MME: variants seen among roughly 807,000 people sequenced by gnomAD.
MME encodes the protein neprilysin.
A neutral mutation model predicts 113.2 loss-of-function variants in MME; 98 were observed. The observed-to-expected ratio is 0.87, with a 90% CI of 0.74 to 1.02. MME has a LOEUF of 1.02. Among genes scored for constraint, MME ranks in the 50% least tolerant of loss-of-function variants. MME has a pLI of 0.00. For missense variants in MME, 836 were observed against 896.0 expected, an observed-to-expected ratio of 0.93 and a Z score of 0.86; for synonymous variants, 292 against 300.6, an observed-to-expected ratio of 0.97 and a Z score of 0.30.
chr3:155,079,642 G>T (rs1262320487), upstream of MME: 1 of 139,610 alleles, frequency 7.2e-6, no homozygotes, highest in Non-Finnish European at 1.6e-5. Flanking sequence ...GGGGGGGTGG[G>T]CCGTGAGAGC....
intron 3 of MME, chr3:155,090,418 T>A (rs1438293651): frequency 6.6e-6 from 1 of 152,192 alleles, no homozygotes; most frequent in East Asian, 1.9e-4. Context: ...CTATATTTTT[T>A]CTGTATACAT....
chr3:155,100,055 T>C (rs1717072491), intron 3 of MME, among the ~76,000 whole-genome samples: 1 of 152,002 alleles, frequency 6.6e-6, no homozygotes, highest in South Asian at 2.1e-4. Flanking sequence ...ACAAATGGGA[T>C]CTAATTAAAC....
intron 1 of MME, among the ~76,000 whole-genome samples, chr3:155,037,669 G>A (rs1371771234): frequency 6.6e-6 from 1 of 152,140 alleles, no homozygotes. Flanking sequence ...GAAGACAACC[G>A]TGAGAAGGAA....
chr3:155,115,235 A>T, intron 4 of MME, 80 bp downstream of exon 4: 1 of 1,525,922 alleles, frequency 6.6e-7, no homozygotes, highest in Non-Finnish European at 9.0e-7. Context: ...GTTAGCCATT[A>T]CAAGGAATGT....
intron 1 of MME, among the ~76,000 whole-genome samples, chr3:155,037,913 C>T (rs73874463): frequency 0.053 from 8,087 of 152,092 alleles, 634 homozygotes; most frequent in African/African-American, 0.17. Flanking sequence ...AATGAGTATA[C>T]ACCACTCTTT....
At chr3:155,151,585 T>C (rs1721937789) in intron 16 of MME, among the ~76,000 whole-genome samples, 1 of 152,180 alleles carries the variant, frequency 6.6e-6, no homozygotes. Flanking sequence ...CATGTAGATG[T>C]CTTATTGACC....
chr3:155,068,139 A>T (rs75237397), intron 1 of MME, among the ~76,000 whole-genome samples: 2,078 of 152,348 alleles, frequency 0.014, 49 homozygotes, highest in South Asian at 0.052. Flanking sequence ...AATGAATATC[A>T]GCATAATTAT....
chr3:155,107,732 T>C lies in MME; in HGVS notation c.197-7262T>C, dbSNP rs76105578. Reference sequence around the variant, plus strand: ...CAGTCATTTACAGACATGCACAGACTGGTGAAAAAACTTTGAGTCTTTCTA... The same window carrying C: ...CAGTCATTTACAGACATGCACAGACCGGTGAAAAAACTTTGAGTCTTTCTA... On this transcript the variant is annotated intron_variant, in intron 3 of 22. Coordinates refer to ENST00000360490, the MANE Select transcript of MME (RefSeq NM_007289.4). Among the ~76,000 whole-genome samples the C allele has an allele frequency of 2.0e-4, 30 of 152,350 alleles. No homozygotes were observed. In the East Asian group the frequency reaches 5.8e-3, roughly 29 times the overall value.
At chr3:155,109,142 A>G (rs1172039136) in intron 3 of MME, among the ~76,000 whole-genome samples, 1 of 152,154 alleles carries the variant, frequency 6.6e-6, no homozygotes, top group Non-Finnish European at 1.5e-5. Flanking sequence ...AATATAGTAT[A>G]GTTTTTGCTA....
chr3:155,103,595 G>C (rs1717447053), intron 3 of MME, among the ~76,000 whole-genome samples: 1 of 152,134 alleles, frequency 6.6e-6, no homozygotes, highest in Non-Finnish European at 1.5e-5. Flanking sequence ...TTCTGTTTAA[G>C]GGAAAATTTC....
Position 155,172,568 on chromosome 3 carries a change from G to T in MME, c.2109G>T (p.Ala703=), listed in dbSNP as rs201186384. 3.1e-6 allele frequency: 5 copies of T among 1,612,922 alleles called. No homozygotes were observed. Among genetic ancestry groups the T allele is most frequent in the Non-Finnish European group, 4.2e-6 (5 of 1,179,186 alleles). ...GTGGAACCTATAGGCCAGAGTATGC[G>T]GTTAACTCCATTAAAACAGATGTGC... ...VWCGTYRPEY[A]VNSIKTDVHS... is the part of the protein sequence containing the mutation. The change falls in exon 22 of 23, where the codon GCG becomes GCT. Residue 703 remains alanine (A), a synonymous_variant. Coordinates refer to ENST00000360490, the MANE Select transcript of MME (RefSeq NM_007289.4).
intron 1 of MME, among the ~76,000 whole-genome samples, chr3:155,044,433 C>T (rs947244328): frequency 2.0e-5 from 3 of 152,044 alleles, no homozygotes; most frequent in Admixed American, 1.3e-4. Context: ...CCACACTCAG[C>T]TTTTGTTTTT....
chr3:155,174,478 C>T (rs1338024814), intron 22 of MME, among the ~76,000 whole-genome samples: 6 of 151,492 alleles, frequency 4.0e-5, no homozygotes, highest in African/African-American at 1.5e-4. Flanking sequence ...AAAGGTTGAG[C>T]TTACATTTAG....
intron 17 of MME, among the ~76,000 whole-genome samples, chr3:155,164,575 A>AT (rs1484900607): frequency 6.6e-6 from 1 of 152,210 alleles, no homozygotes; most frequent in Non-Finnish European, 1.5e-5. Flanking sequence ...GAAGAATGGC[A>AT]TATCAGGGTA....
chr3:155,034,709 G>T (rs942981899), intron 1 of MME, among the ~76,000 whole-genome samples: 2 of 152,102 alleles, frequency 1.3e-5, no homozygotes, highest in Non-Finnish European at 2.9e-5. Context: ...GTCATTACTC[G>T]ATATACTCAC....
At chr3:155,107,440 T>C (rs1428055208) in intron 3 of MME, among the ~76,000 whole-genome samples, 4 of 152,076 alleles carry the variant, frequency 2.6e-5, no homozygotes, top group Admixed American at 6.5e-5. Flanking sequence ...TGTAAATAGA[T>C]GCCTAACCTA....
intron 3 of MME, among the ~76,000 whole-genome samples, chr3:155,095,233 G>A (rs910674805): frequency 2.6e-4 from 39 of 152,186 alleles, no homozygotes; most frequent in South Asian, 2.1e-4. Flanking sequence ...ATGTTAAGGG[G>A]TATAGGAATT....
At chr3:155,032,042 G>T (rs1403907231) in intron 1 of MME, among the ~76,000 whole-genome samples, 1 of 152,082 alleles carries the variant, frequency 6.6e-6, no homozygotes, top group African/African-American at 2.4e-5. Context: ...TTTAGTTTGG[G>T]GTCTTCACAG....
chr3:155,060,023 G>A (rs187764468), intron 1 of MME, among the ~76,000 whole-genome samples: 1 of 152,310 alleles, frequency 6.6e-6, no homozygotes, highest in East Asian at 1.9e-4. Flanking sequence ...CTTTTGAACA[G>A]TAACAATAAG....
Sources: allele counts gnomAD v4.1 joint callset (sites outside exome capture counted in the v4.1 genomes callset), GRCh38; gene constraint gnomAD v4.1.1; transcripts MANE v1.5; gene names NCBI Gene and HGNC (gene_info 2026-07-23, HGNC 2026-07-21).